Variants in SCAI observed in about 807,000 individuals in gnomAD.
The protein encoded by SCAI is protein SCAI.
A neutral mutation model predicts 92.2 loss-of-function variants in SCAI; 24 were observed. The ratio of observed to expected loss-of-function variants is 0.26; its 90% confidence interval spans 0.19 to 0.37. SCAI has a LOEUF of 0.37. SCAI is among the 10% of genes least tolerant of loss of function. The pLI, the probability that SCAI is intolerant of heterozygous loss-of-function variation, is 1.00. For missense variants in SCAI, 450 were observed against 736.2 expected, an observed-to-expected ratio of 0.61 and a Z score of 4.50; for synonymous variants, 261 against 258.6, an observed-to-expected ratio of 1.01 and a Z score of -0.09.
At chr9:125,035,026 AC>A (rs1409699955) in intron 3 of SCAI, among the ~76,000 whole-genome samples, 1 of 152,198 alleles carries the variant, frequency 6.6e-6, no homozygotes, top group Non-Finnish European at 1.5e-5. Context: ...TGAAATAAAA[AC>A]ATGAAGCTAT....
chr9:125,039,619 T>A (rs1452967808), intron 3 of SCAI, among the ~76,000 whole-genome samples: 1 of 152,142 alleles, frequency 6.6e-6, no homozygotes, highest in Non-Finnish European at 1.5e-5. Flanking sequence ...AGTTGGACAG[T>A]TCTGCCAGTC....
intron 2 of SCAI, among the ~76,000 whole-genome samples, chr9:125,097,988 TAAG>T (rs1290759738): frequency 6.6e-6 from 1 of 151,508 alleles, no homozygotes; most frequent in Non-Finnish European, 1.5e-5. Flanking sequence ...CTGATCTATA[TAAG>T]AATATATATA....
rs139313229 is a variant in SCAI at position 124,984,405 on chromosome 9, A to G, written c.1327-8219T>C. 7.5e-3 allele frequency among the ~76,000 whole-genome samples: 1,146 copies of G among 152,352 alleles called. 8 individuals carry two copies. Among genetic ancestry groups the G allele is most frequent in the Non-Finnish European group, 0.011 (755 of 68,036 alleles). On this transcript the variant is annotated intron_variant, in intron 14 of 17. Transcript: ENST00000336505. ...GGTGGCATATCTGTCTTATAGGCAC[A>G]CTTACAGGAGAGCGAGGAAGGAGGA...
At chr9:125,102,437 A>G (rs1834696418) in intron 2 of SCAI, among the ~76,000 whole-genome samples, 1 of 151,884 alleles carries the variant, frequency 6.6e-6, no homozygotes, top group Non-Finnish European at 1.5e-5. Flanking sequence ...CTCTTTCATA[A>G]AGATCAGCTG....
At chr9:124,996,634 T>A (rs535476300) in intron 13 of SCAI, among the ~76,000 whole-genome samples, 2 of 152,032 alleles carry the variant, frequency 1.3e-5, no homozygotes, top group East Asian at 3.9e-4. Context: ...TATTTTTTTT[T>A]ATTTATTTAT....
chr9:124,951,047 G>A lies in SCAI; in HGVS notation c.*1760C>T, dbSNP rs2131565306. Reference sequence around the variant, plus strand: ...CACCCCAACCTGGGCAACAAAGCAAGACTCTGTCTCTTAAAAAAAAAAAAA... The same window carrying A: ...CACCCCAACCTGGGCAACAAAGCAAAACTCTGTCTCTTAAAAAAAAAAAAA... On this transcript the variant is annotated 3_prime_UTR_variant, in exon 18 of 18. Transcript: ENST00000336505. 1 of 122,402 alleles carries A rather than the reference G, an allele frequency of 8.2e-6. No homozygotes were observed. The highest frequency in any genetic ancestry group is 9.5e-5 in the Admixed American group (1 of 10,542). The allele number at this position is 122,402 out of a possible 1,614,324, so 7.6% of individuals were successfully genotyped here. A position where few individuals can be genotyped will look rare whatever the true frequency, so the allele number is the denominator to read the frequency against.
At chr9:124,998,115 T>G (rs1832281369) in intron 13 of SCAI, among the ~76,000 whole-genome samples, 1 of 151,960 alleles carries the variant, frequency 6.6e-6, no homozygotes, top group South Asian at 2.1e-4. Flanking sequence ...TGAAGTTCTA[T>G]TTGTAATCAT....
chr9:124,992,297 T>C (rs763509431), intron 14 of SCAI, among the ~76,000 whole-genome samples: 1 of 152,024 alleles, frequency 6.6e-6, no homozygotes, highest in Admixed American at 6.6e-5. Context: ...AAATTAAATG[T>C]AGTAAGTAAT....
At chr9:124,991,662 C>T (rs1832126211) in intron 14 of SCAI, among the ~76,000 whole-genome samples, 1 of 151,642 alleles carries the variant, frequency 6.6e-6, no homozygotes. Flanking sequence ...CATGGTGAAA[C>T]CCCATCTCTA....
intron 3 of SCAI, among the ~76,000 whole-genome samples, chr9:125,050,033 G>T (rs1203138752): frequency 6.8e-6 from 1 of 147,564 alleles, no homozygotes; most frequent in Non-Finnish European, 1.5e-5. Flanking sequence ...ATGAATTGAA[G>T]AAAGCAAGCA....
rs1202309998 is a variant in SCAI at position 124,949,880 on chromosome 9, A to G, written c.*2927T>C. On this transcript the variant is annotated 3_prime_UTR_variant, in exon 18 of 18. Coordinates refer to ENST00000336505, the MANE Select transcript of SCAI (RefSeq NM_001144877.3). This position sits in a 1 kb window ranked among gnomAD's most constrained non-coding sequence, Gnocchi z 4.0. ...GTTTAATACGCATTTTTTTGAAGGC[A>G]TCAATGAAACAATAACATTTTCCAG... 2 of 152,206 alleles carry G rather than the reference A, an allele frequency of 1.3e-5. No homozygotes were observed. The highest frequency in any genetic ancestry group is 4.8e-5 in the African/African-American group (2 of 41,454). The allele number at this position is 152,206 out of a possible 1,614,324, so 9.4% of individuals were successfully genotyped here. A position where few individuals can be genotyped will look rare whatever the true frequency, so the allele number is the denominator to read the frequency against.
At chr9:125,021,697 C>A (rs1029103656) in intron 6 of SCAI, among the ~76,000 whole-genome samples, 1 of 152,106 alleles carries the variant, frequency 6.6e-6, no homozygotes, top group African/African-American at 2.4e-5. Context: ...TCAACATTTT[C>A]CATAATAAAA....
chr9:124,976,916 T>C (rs1169067175), intron 14 of SCAI, among the ~76,000 whole-genome samples: 1 of 152,118 alleles, frequency 6.6e-6, no homozygotes, highest in Admixed American at 6.5e-5. Context: ...TTGCCCAGGC[T>C]GGAGTGCAAT....
At chr9:125,074,711 A>G (rs1834051957) in intron 2 of SCAI, among the ~76,000 whole-genome samples, 1 of 151,902 alleles carries the variant, frequency 6.6e-6, no homozygotes, top group South Asian at 2.1e-4. Flanking sequence ...TATATTATTA[A>G]TATAAAAAAC....
At chr9:125,042,636 C>CGTGTGTGTGT (rs1564390396) in intron 3 of SCAI, among the ~76,000 whole-genome samples, 6 of 61,956 alleles carry the variant, frequency 9.7e-5, no homozygotes, top group African/African-American at 3.9e-4. Context: ...TGTGTGTGTA[C>CGTGTGTGTGT]ACACACACAC....
rs560470756 is a variant in SCAI, at chr9:125,031,422, C to T, written c.231-1683G>A. 3.3e-5 allele frequency among the ~76,000 whole-genome samples: 5 copies of T among 152,142 alleles called. No individual in the cohort carries two copies. In the East Asian group the frequency reaches 5.8e-4, roughly 18 times the overall value. On this transcript the variant is annotated intron_variant, in intron 3 of 17. Transcript: ENST00000336505. ...GGCTACAGGTGCCTGCCACCACGCC[C>T]GGCTAATTTTTTGTATTTTTAGTAG...
chr9:125,010,689 C>T (rs1425673382), intron 9 of SCAI, among the ~76,000 whole-genome samples: 4 of 152,206 alleles, frequency 2.6e-5, no homozygotes, highest in Non-Finnish European at 5.9e-5. Flanking sequence ...GTGGTTCTCC[C>T]AGCACGCAGC....
chr9:125,081,315 T>G (rs1834212077), intron 2 of SCAI, among the ~76,000 whole-genome samples: 1 of 152,222 alleles, frequency 6.6e-6, no homozygotes, highest in Non-Finnish European at 1.5e-5. Context: ...TGAATGGCTT[T>G]GCCCAAAATG....
rs201835439 is a variant in SCAI at position 125,139,976 on chromosome 9, T to C, written c.98+2657A>G. 5.3e-5 allele frequency among the ~76,000 whole-genome samples: 8 copies of C among 152,048 alleles called. No homozygotes were observed. The East Asian group carries it at 1.6e-3, about 29-fold the overall frequency. The stretch of plus-strand genomic sequence containing the variant: ...GTATGGTGGCTCACGCCTGTAATCC[T>C]AGCACTTTGGGAGGCCAAGGCTGGC... On this transcript the variant is annotated intron_variant, in intron 2 of 17. Coordinates refer to ENST00000336505, the MANE Select transcript of SCAI (RefSeq NM_001144877.3).
Sources: allele counts gnomAD v4.1 joint callset (sites outside exome capture counted in the v4.1 genomes callset), GRCh38; gene constraint gnomAD v4.1.1; non-coding constraint Gnocchi (gnomAD v3.1); transcripts MANE v1.5; gene names NCBI Gene and HGNC (gene_info 2026-07-23, HGNC 2026-07-21).